Variants in SYN3 observed in about 807,000 individuals in gnomAD.
The protein encoded by SYN3 is synapsin III.
Under a neutral mutation model 65.8 loss-of-function variants are expected in SYN3, and 35 were observed. That is an observed-to-expected ratio of 0.53 (90% CI 0.41 to 0.70). SYN3 has a LOEUF of 0.70. Among genes scored for constraint, SYN3 ranks in the 30% least tolerant of loss-of-function variants. SYN3 has a pLI of 0.00. For missense variants in SYN3, 680 were observed against 749.0 expected, an observed-to-expected ratio of 0.91 and a Z score of 1.08; for synonymous variants, 270 against 292.9, an observed-to-expected ratio of 0.92 and a Z score of 0.80.
chr22:32,525,326 C>T (rs912356010), intron 12 of SYN3, among the ~76,000 whole-genome samples: 2 of 152,070 alleles, frequency 1.3e-5, no homozygotes, highest in Admixed American at 6.5e-5. Flanking sequence ...ACTGCAGCCT[C>T]GTGATAAAAC....
chr22:32,812,269 T>G (rs528374316), intron 6 of SYN3, among the ~76,000 whole-genome samples: 2 of 152,322 alleles, frequency 1.3e-5, no homozygotes, highest in African/African-American at 4.8e-5. Context: ...AGTAGGTAAC[T>G]TTGTTAGAAA....
At chr22:32,671,425 A>C (rs1408507570) in intron 6 of SYN3, among the ~76,000 whole-genome samples, 5 of 151,970 alleles carry the variant, frequency 3.3e-5, no homozygotes, top group African/African-American at 1.2e-4. Context: ...ACATACTCAC[A>C]CATCCACCTA....
At chr22:32,902,891 G>C (rs2049801038) in intron 4 of SYN3, among the ~76,000 whole-genome samples, 1 of 149,344 alleles carries the variant, frequency 6.7e-6, no homozygotes, top group South Asian at 2.1e-4. Context: ...AAAAAAAGTT[G>C]GTGGTCCTGG....
chr22:32,991,928 G>T (rs527554715), intron 2 of SYN3, among the ~76,000 whole-genome samples: 3 of 152,216 alleles, frequency 2.0e-5, no homozygotes, highest in South Asian at 2.1e-4. Context: ...CTTCCTAGAC[G>T]TTCTGTAATG....
At chr22:32,569,138 T>C (rs1437110766) in intron 7 of SYN3, among the ~76,000 whole-genome samples, 1 of 152,176 alleles carries the variant, frequency 6.6e-6, no homozygotes, top group Non-Finnish European at 1.5e-5. Flanking sequence ...TTTCTGGGGT[T>C]CAATTTCCTC....
chr22:32,873,139 C>T (rs954158049), intron 4 of SYN3, among the ~76,000 whole-genome samples: 5 of 151,968 alleles, frequency 3.3e-5, no homozygotes, highest in Non-Finnish European at 7.4e-5. Context: ...TTAGTAGAGG[C>T]AAGGTTTTGC....
At chr22:32,877,726 C>T (rs373215291) in intron 4 of SYN3, among the ~76,000 whole-genome samples, 3 of 152,042 alleles carry the variant, frequency 2.0e-5, no homozygotes, top group African/African-American at 4.8e-5. Flanking sequence ...CACCTTGCCT[C>T]GAAGACACCC....
chr22:32,616,190 A>G (rs1395609701), intron 6 of SYN3, among the ~76,000 whole-genome samples: 1 of 152,166 alleles, frequency 6.6e-6, no homozygotes, highest in African/African-American at 2.4e-5. Flanking sequence ...GCTCTCCTGC[A>G]TGGGGGCAGG....
At chr22:32,639,486 T>C (rs2059865652) in intron 6 of SYN3, among the ~76,000 whole-genome samples, 1 of 152,204 alleles carries the variant, frequency 6.6e-6, no homozygotes, top group Non-Finnish European at 1.5e-5. Flanking sequence ...CCATACTGTT[T>C]TGGTTACGGT....
At chr22:32,965,014 C>G (rs1158346098) in intron 3 of SYN3, among the ~76,000 whole-genome samples, 1 of 152,162 alleles carries the variant, frequency 6.6e-6, no homozygotes, top group Non-Finnish European at 1.5e-5. Context: ...GAAAGGTGGT[C>G]AATGCAGGGG....
chr22:32,682,305 A>T, intron 6 of SYN3, among the ~76,000 whole-genome samples: 1 of 152,246 alleles, frequency 6.6e-6, no homozygotes, highest in Non-Finnish European at 1.5e-5. Flanking sequence ...TCGTGTAGAG[A>T]CTGAGAGACT....
chr22:32,722,376 CAA>C (rs1244033631), intron 6 of SYN3, among the ~76,000 whole-genome samples: 2 of 152,088 alleles, frequency 1.3e-5, no homozygotes, highest in Admixed American at 6.6e-5. Flanking sequence ...GAGATCGAAT[CAA>C]AGAGTCCACA....
intron 6 of SYN3, among the ~76,000 whole-genome samples, chr22:32,858,492 C>T (rs1224159658): frequency 1.3e-5 from 2 of 152,106 alleles, no homozygotes; most frequent in East Asian, 3.9e-4. Flanking sequence ...TTCAAGTGGG[C>T]TCACCCTGGT....
At chr22:32,686,148 G>A (rs945604018) in intron 6 of SYN3, among the ~76,000 whole-genome samples, 15 of 151,992 alleles carry the variant, frequency 9.9e-5, no homozygotes, top group African/African-American at 2.7e-4. Flanking sequence ...ATAATTTAGC[G>A]AATATGGGTT....
intron 6 of SYN3, among the ~76,000 whole-genome samples, chr22:32,838,357 A>G (rs772970896): frequency 6.6e-6 from 1 of 152,062 alleles, no homozygotes; most frequent in Non-Finnish European, 1.5e-5. Context: ...TGCTCTTCAT[A>G]TTTCCTGAGT....
intron 3 of SYN3, among the ~76,000 whole-genome samples, chr22:32,975,252 G>A (rs956419716): frequency 2.0e-5 from 3 of 151,872 alleles, no homozygotes; most frequent in Non-Finnish European, 4.4e-5. Context: ...GCAGGTGCCT[G>A]TAATCTCAGC....
At chr22:32,760,936 C>T (rs2045462019) in intron 6 of SYN3, among the ~76,000 whole-genome samples, 1 of 152,192 alleles carries the variant, frequency 6.6e-6, no homozygotes, top group Non-Finnish European at 1.5e-5. Context: ...GAAACACTGG[C>T]GTCATAGATA....
rs527394645 is a variant in SYN3 at position 32,851,522 on chromosome 22, C to T, written c.711+13393G>A. ...GGTGGGCTTAGAAGACACACTCCCA[C>T]TCCCAGACTGGTGGGCTTAGGCTTT... On this transcript the variant is annotated intron_variant, in intron 6 of 13. Transcript: ENST00000358763. Among the ~76,000 whole-genome samples, 3 of 152,326 alleles carry T rather than the reference C, an allele frequency of 2.0e-5. No individual in the cohort carries two copies. In the East Asian group the frequency reaches 5.8e-4, roughly 29 times the overall value.
intron 12 of SYN3, among the ~76,000 whole-genome samples, chr22:32,520,038 C>T (rs2057850958): frequency 6.6e-6 from 1 of 152,026 alleles, no homozygotes; most frequent in African/African-American, 2.4e-5. Context: ...GAGAGAGCCA[C>T]ATGTATAATT....
Sources: allele counts gnomAD v4.1 joint callset (sites outside exome capture counted in the v4.1 genomes callset), GRCh38; gene constraint gnomAD v4.1.1; transcripts MANE v1.5; gene names NCBI Gene and HGNC (gene_info 2026-07-23, HGNC 2026-07-21).